NTM: variants seen among roughly 807,000 people sequenced by gnomAD.
The protein encoded by NTM is neurotrimin.
A neutral mutation model predicts 42.1 loss-of-function variants in NTM; 13 were observed. That is an observed-to-expected ratio of 0.31 (90% confidence interval 0.20 to 0.49). The LOEUF is 0.49. Ranked by LOEUF, NTM falls within the 20% of genes least tolerant of loss-of-function variation. NTM has a pLI of 0.99. For synonymous variants in NTM, 187 were observed against 179.2 expected (o/e 1.04, Z -0.35); for missense variants, 373 against 452.8 (o/e 0.82, Z 1.60).
intron 1 of NTM, among the ~76,000 whole-genome samples, chr11:131,616,676 G>C (rs2061966164): frequency 6.6e-6 from 1 of 152,230 alleles, no homozygotes; most frequent in Middle Eastern, 3.4e-3. Flanking sequence ...CTCCTCTGGT[G>C]ACTGAGCCAA....
intron 1 of NTM, among the ~76,000 whole-genome samples, chr11:131,691,161 G>A (rs1218833595): frequency 1.3e-5 from 2 of 152,150 alleles, no homozygotes; most frequent in Non-Finnish European, 2.9e-5. Context: ...GCGCACCAGG[G>A]GCCCAGGCCA....
At chr11:131,457,292 T>G (rs754785971) in intron 1 of NTM, among the ~76,000 whole-genome samples, 2 of 152,130 alleles carry the variant, frequency 1.3e-5, no homozygotes, top group Non-Finnish European at 2.9e-5. Context: ...CAGTGCCATT[T>G]AAGCAGAGAC....
chr11:132,299,807 T>C (rs926769725), intron 4 of NTM, among the ~76,000 whole-genome samples: 2 of 152,204 alleles, frequency 1.3e-5, no homozygotes, highest in East Asian at 3.9e-4. Context: ...CTTTTAAATT[T>C]GCCCATTTTT....
rs181489356 is a variant in NTM at position 131,589,102 on chromosome 11, T to G, written c.82+218214T>G. On this transcript the variant is annotated intron_variant, in intron 1 of 8. Transcript: ENST00000683400. ...GTGAGAAGACAGGTGGCATGATAAA[T>G]TAGTATTTAAGTGAGATTAACACAG... Among the ~76,000 whole-genome samples, 15 of 151,756 alleles carry G rather than the reference T, an allele frequency of 9.9e-5. No individual in the cohort carries two copies. In the East Asian group the frequency reaches 2.9e-3, roughly 29 times the overall value.
chr11:131,716,928 C>T (rs755035657), intron 1 of NTM, among the ~76,000 whole-genome samples: 2 of 152,122 alleles, frequency 1.3e-5, no homozygotes, highest in Non-Finnish European at 2.9e-5. Flanking sequence ...GCAGCCTTTA[C>T]CTCTTGGGCT....
At chr11:132,159,623 G>A (rs1280728856) in intron 3 of NTM, among the ~76,000 whole-genome samples, 1 of 152,110 alleles carries the variant, frequency 6.6e-6, no homozygotes, top group East Asian at 1.9e-4. Context: ...AGGAGAACAG[G>A]TTCAGAGGAT....
intron 1 of NTM, among the ~76,000 whole-genome samples, chr11:131,439,149 A>G (rs1019623708): frequency 6.6e-6 from 1 of 152,168 alleles, no homozygotes; most frequent in Non-Finnish European, 1.5e-5. Context: ...AGAACAGCGA[A>G]TATTGCTTCC....
At chr11:131,761,625 A>G (rs4936147) in intron 1 of NTM, among the ~76,000 whole-genome samples, 70,811 of 151,464 alleles carry the variant, frequency 0.47, 16,683 homozygotes, top group East Asian at 0.62. Flanking sequence ...TGACCAACAT[A>G]GAGAAACCCC....
At chr11:131,761,026 G>T (rs74933919) in intron 1 of NTM, among the ~76,000 whole-genome samples, 1 of 152,230 alleles carries the variant, frequency 6.6e-6, no homozygotes, top group Non-Finnish European at 1.5e-5. Flanking sequence ...CAAAACCACC[G>T]GGATGGAGGG....
At chr11:132,039,051 G>C (rs2076856494) in intron 2 of NTM, among the ~76,000 whole-genome samples, 1 of 152,220 alleles carries the variant, frequency 6.6e-6, no homozygotes, top group African/African-American at 2.4e-5. Context: ...CCACACTGGT[G>C]TCCATGGGGT....
intron 1 of NTM, among the ~76,000 whole-genome samples, chr11:131,709,492 T>C (rs1185552174): frequency 6.6e-6 from 1 of 152,148 alleles, no homozygotes; most frequent in Non-Finnish European, 1.5e-5. Context: ...TCCTGATGGA[T>C]TGGTTGTCAG....
chr11:131,675,365 T>A (rs1245799916), intron 1 of NTM, among the ~76,000 whole-genome samples: 2 of 152,238 alleles, frequency 1.3e-5, no homozygotes, highest in South Asian at 2.1e-4. Context: ...AATGTTATTA[T>A]AATAATTCAT....
At chr11:131,892,081 C>A (rs777525833) in intron 1 of NTM, among the ~76,000 whole-genome samples, 85 of 152,208 alleles carry the variant, frequency 5.6e-4, no homozygotes, top group Non-Finnish European at 1.0e-3. Context: ...CTTCCACATT[C>A]CACTATGGGA....
At chr11:131,663,166 A>G (rs2068390475) in intron 1 of NTM, 1 of 152,158 alleles carries the variant, frequency 6.6e-6, no homozygotes, top group Non-Finnish European at 1.5e-5. Flanking sequence ...GCATACTCAC[A>G]GAGCTGTGAT....
chr11:131,474,564 C>T (rs747907816), intron 1 of NTM, among the ~76,000 whole-genome samples: 11 of 152,136 alleles, frequency 7.2e-5, no homozygotes, highest in Non-Finnish European at 1.2e-4. Context: ...CATTCATCAT[C>T]TATAGCTCCT....
intron 1 of NTM, among the ~76,000 whole-genome samples, chr11:131,704,648 C>T (rs1399680093): frequency 1.3e-5 from 2 of 152,232 alleles, no homozygotes; most frequent in East Asian, 1.9e-4. Context: ...AAATGGAGAT[C>T]TACAAACTTC....
chr11:132,321,748 G>A (rs1413859923), intron 7 of NTM, among the ~76,000 whole-genome samples: 1 of 150,366 alleles, frequency 6.7e-6, no homozygotes, highest in Non-Finnish European at 1.5e-5. Context: ...AAGTTGAAAT[G>A]AAGGAAAAAA....
chr11:131,756,538 A>AG (rs1222011566), intron 1 of NTM, among the ~76,000 whole-genome samples: 1 of 151,322 alleles, frequency 6.6e-6, no homozygotes, highest in African/African-American at 2.4e-5. Flanking sequence ...AAAAAAAAAA[A>AG]TTAGCTGAGT....
At chr11:131,466,039 C>T (rs987266513) in intron 1 of NTM, among the ~76,000 whole-genome samples, 3 of 152,194 alleles carry the variant, frequency 2.0e-5, no homozygotes, top group Non-Finnish European at 4.4e-5. Context: ...CTATGAGGAA[C>T]CTACAAGCTT....
Sources: gnomAD v4.1 joint callset for allele counts (sites outside exome capture counted in the v4.1 genomes callset) on GRCh38, gnomAD v4.1.1 for gene constraint, MANE v1.5 for transcripts, NCBI Gene and HGNC (gene_info 2026-07-23, HGNC 2026-07-21) for gene names.